The following TOX variants were observed in gnomAD, a reference collection of about 807,000 sequenced individuals.
The protein encoded by TOX is thymocyte selection associated high mobility group box, also known as thymocyte selection-associated high mobility group box protein TOX.
Under a neutral mutation model 53.7 loss-of-function variants are expected in TOX, and 11 were observed. The observed-to-expected ratio is 0.20, with a 90% CI of 0.13 to 0.34. The LOEUF (loss-of-function observed/expected upper bound fraction) is 0.34, where lower values mean the gene tolerates loss of function less well. Ranked by LOEUF, TOX falls within the 10% of genes least tolerant of loss-of-function variation. TOX has a pLI of 1.00. For synonymous variants in TOX, 225 were observed against 245.3 expected (o/e 0.92, Z 0.77); for missense variants, 570 against 664.6 (o/e 0.86, Z 1.56).
In TOX at chr8:59,012,353, G is replaced by A. The variant is rs963438807; in HGVS notation, c.103-52345C>T. 1.1e-4 allele frequency among the ~76,000 whole-genome samples: 16 copies of A among 151,964 alleles called. 1 individual carries two copies. The highest frequency in any genetic ancestry group is 9.8e-4 in the Admixed American group (15 of 15,260). ...TTGAGGTGCACTGGGAATACCACGA[G>A]GGGGTGTTGGGGAGCAACTCAACCA... On this transcript the variant is annotated intron_variant, in intron 1 of 8. Transcript: ENST00000361421.
At chr8:59,005,981 G>C (rs935312183) in intron 1 of TOX, among the ~76,000 whole-genome samples, 1 of 152,168 alleles carries the variant, frequency 6.6e-6, no homozygotes. Context: ...ACGGCCCTTG[G>C]CTGCTGTCCA....
chr8:58,869,743 A>G (rs985064208), intron 3 of TOX, among the ~76,000 whole-genome samples: 11 of 152,178 alleles, frequency 7.2e-5, no homozygotes, highest in African/African-American at 2.7e-4. Context: ...CAACATTAGA[A>G]AATCTAACAA....
intron 1 of TOX, among the ~76,000 whole-genome samples, chr8:59,073,132 C>A (rs891247185): frequency 6.6e-6 from 1 of 152,120 alleles, no homozygotes; most frequent in South Asian, 2.1e-4. Flanking sequence ...GTCTCTTATA[C>A]CTAAACAGTG....
At chr8:59,109,671 C>T (rs11987057) in intron 1 of TOX, among the ~76,000 whole-genome samples, 10,403 of 152,158 alleles carry the variant, frequency 0.068, 1,195 homozygotes, top group African/African-American at 0.24. Context: ...CAAATTATCT[C>T]TTATTGAAAT....
intron 3 of TOX, among the ~76,000 whole-genome samples, chr8:58,856,021 C>A (rs187492062): frequency 6.6e-6 from 1 of 152,318 alleles, no homozygotes; most frequent in African/African-American, 2.4e-5. Flanking sequence ...GTAGGAATAG[C>A]TGCTTTGCAA....
At chr8:59,046,142 A>G (rs1226328945) in intron 1 of TOX, among the ~76,000 whole-genome samples, 1 of 152,148 alleles carries the variant, frequency 6.6e-6, no homozygotes, top group African/African-American at 2.4e-5. Context: ...TCCATGTTGC[A>G]TGTTTTCATT....
intron 1 of TOX, among the ~76,000 whole-genome samples, chr8:59,037,881 C>T (rs1803499413): frequency 6.6e-6 from 1 of 151,552 alleles, no homozygotes; most frequent in Admixed American, 6.6e-5. Flanking sequence ...TTCTTAAGAT[C>T]CTGAAAAAAC....
intron 1 of TOX, among the ~76,000 whole-genome samples, chr8:59,010,945 A>G (rs1287286172): frequency 6.6e-6 from 1 of 152,214 alleles, no homozygotes; most frequent in Non-Finnish European, 1.5e-5. Context: ...CACAGTCATA[A>G]CAGTCGGAAT....
In TOX at chr8:59,118,824, C is replaced by A; in HGVS notation, c.102+62G>T. On this transcript the variant is annotated intron_variant, in intron 1 of 8. Transcript: ENST00000361421. The surrounding 1 kb of genome is among the most constrained non-coding windows in gnomAD (Gnocchi z 4.1). Reference sequence around the variant, plus strand: ...GCCGGCCCCGCCGCGGCCCGGCCACCGCCGCTCCCCTCCCAGGATCAAGCA... The same window carrying A: ...GCCGGCCCCGCCGCGGCCCGGCCACAGCCGCTCCCCTCCCAGGATCAAGCA... The A allele has an allele frequency of 7.2e-7, 1 of 1,392,230 alleles. No homozygotes were observed. The highest frequency in any genetic ancestry group is 9.8e-7 in the Non-Finnish European group (1 of 1,024,238). 86.2% of individuals were successfully genotyped at this position (1,392,230 alleles called of 1,614,324 possible).
chr8:58,951,618 G>A (rs1354364701), intron 2 of TOX, among the ~76,000 whole-genome samples: 1 of 152,124 alleles, frequency 6.6e-6, no homozygotes, highest in Non-Finnish European at 1.5e-5. Flanking sequence ...TGTGATTTTG[G>A]AGAACAACAA....
chr8:59,004,512 T>C (rs1813751215), intron 1 of TOX, among the ~76,000 whole-genome samples: 1 of 152,230 alleles, frequency 6.6e-6, no homozygotes, highest in Non-Finnish European at 1.5e-5. Context: ...TACACATTAG[T>C]GATTGCATGC....
chr8:58,858,348 G>A (rs1044151418), intron 3 of TOX, among the ~76,000 whole-genome samples: 5 of 152,198 alleles, frequency 3.3e-5, no homozygotes, highest in East Asian at 3.9e-4. Flanking sequence ...ATCCTTCCCC[G>A]TCCAACACAC....
At chr8:58,911,125 A>G (rs977369805) in intron 3 of TOX, among the ~76,000 whole-genome samples, 22 of 152,242 alleles carry the variant, frequency 1.4e-4, no homozygotes, top group African/African-American at 4.6e-4. Context: ...CAAATTACAC[A>G]ACCCCTTGGA....
intron 6 of TOX, among the ~76,000 whole-genome samples, chr8:58,818,859 C>A (rs992986724): frequency 2.6e-5 from 4 of 152,170 alleles, no homozygotes; most frequent in Admixed American, 1.3e-4. Context: ...GCCCTTTATG[C>A]CTCACTGGTC....
At chr8:58,972,318 C>A (rs1813016191) in intron 1 of TOX, among the ~76,000 whole-genome samples, 1 of 152,114 alleles carries the variant, frequency 6.6e-6, no homozygotes, top group Non-Finnish European at 1.5e-5. Context: ...CACAAAACTG[C>A]AGGAGGAGTT....
In TOX at chr8:58,960,051, G is replaced by A. The variant is rs200543312; in HGVS notation, c.103-43C>T. 6.9e-5 allele frequency: 110 copies of A among 1,600,326 alleles called. 1 individual carries two copies. The highest frequency in any genetic ancestry group is 4.8e-4 in the Admixed American group (29 of 59,868). ...GTAAACATTCAGCAATCTTGACTGCGGGTATGTTTGGTTTTTATTTGTTTT... is the reference window on the plus strand; with the variant it reads ...GTAAACATTCAGCAATCTTGACTGCAGGTATGTTTGGTTTTTATTTGTTTT... On this transcript the variant is annotated intron_variant, in intron 1 of 8. Transcript: ENST00000361421.
At chr8:59,106,496 G>T (rs945731285) in intron 1 of TOX, among the ~76,000 whole-genome samples, 1 of 152,086 alleles carries the variant, frequency 6.6e-6, no homozygotes, top group Admixed American at 6.5e-5. Flanking sequence ...AAACTCCAAG[G>T]CTCAGGGAAC....
chr8:58,820,019 C>T (rs984815509), intron 6 of TOX, among the ~76,000 whole-genome samples: 6 of 152,148 alleles, frequency 3.9e-5, no homozygotes, highest in African/African-American at 1.2e-4. Context: ...CTTTAAATCA[C>T]GATCTGGGTT....
chr8:58,933,725 G>A (rs1812297737), intron 3 of TOX, among the ~76,000 whole-genome samples: 2 of 152,148 alleles, frequency 1.3e-5, no homozygotes, highest in Non-Finnish European at 2.9e-5. Flanking sequence ...GTCCTGAGAA[G>A]GATCATGGAG....
Sources: gnomAD v4.1 joint callset for allele counts (sites outside exome capture counted in the v4.1 genomes callset) on GRCh38, gnomAD v4.1.1 for gene constraint, Gnocchi (gnomAD v3.1) non-coding constraint, MANE v1.5 for transcripts, NCBI Gene and HGNC (gene_info 2026-07-23, HGNC 2026-07-21) for gene names.